PPARGC1B: variants seen among roughly 807,000 people sequenced by gnomAD.
The protein encoded by PPARGC1B is peroxisome proliferator-activated receptor gamma coactivator 1-beta.
Under a neutral mutation model 101.6 loss-of-function variants are expected in PPARGC1B, and 34 were observed. The ratio of observed to expected loss-of-function variants is 0.33; its 90% confidence interval spans 0.25 to 0.45. PPARGC1B has a LOEUF of 0.45. Ranked by LOEUF, PPARGC1B falls within the 20% of genes least tolerant of loss-of-function variation. PPARGC1B has a pLI of 1.00. For missense variants in PPARGC1B, 1,234 were observed against 1,317.6 expected, an observed-to-expected ratio of 0.94 and a Z score of 0.98; for synonymous variants, 548 against 539.3, an observed-to-expected ratio of 1.02 and a Z score of -0.22.
intron 9 of PPARGC1B, among the ~76,000 whole-genome samples, chr5:149,841,594 C>G (rs1276315925): frequency 6.6e-6 from 1 of 152,200 alleles, no homozygotes; most frequent in Non-Finnish European, 1.5e-5. Flanking sequence ...AAGCCTGCAG[C>G]TTCTCTCGCA....
intron 1 of PPARGC1B, among the ~76,000 whole-genome samples, chr5:149,774,569 C>T (rs1756281320): frequency 6.6e-6 from 1 of 151,888 alleles, no homozygotes; most frequent in Admixed American, 6.6e-5. Flanking sequence ...CTAGGACTCC[C>T]AGCTTTGACA....
chr5:149,757,704 G>A (rs1225655026), intron 1 of PPARGC1B, among the ~76,000 whole-genome samples: 2 of 152,234 alleles, frequency 1.3e-5, no homozygotes, highest in Non-Finnish European at 2.9e-5. Flanking sequence ...GAGAGTGGAG[G>A]TCAGTGGGGC....
intron 1 of PPARGC1B, among the ~76,000 whole-genome samples, chr5:149,743,398 G>T (rs1448316568): frequency 2.6e-5 from 4 of 151,986 alleles, no homozygotes; most frequent in African/African-American, 9.7e-5. Context: ...TCAGGTGATT[G>T]CCTGCTTTGG....
chr5:149,784,969 C>T (rs1031701714), intron 1 of PPARGC1B, among the ~76,000 whole-genome samples: 5 of 152,228 alleles, frequency 3.3e-5, no homozygotes, highest in African/African-American at 1.2e-4. Flanking sequence ...CTCTTTATCA[C>T]TGCTGTCTCT....
intron 1 of PPARGC1B, among the ~76,000 whole-genome samples, chr5:149,792,219 C>T (rs192103916): frequency 6.2e-4 from 94 of 152,228 alleles, no homozygotes; most frequent in African/African-American, 2.2e-3. Flanking sequence ...TGGGAATTGG[C>T]AAACAGAGCT....
rs1167295677 is a variant in PPARGC1B at position 149,850,271 on chromosome 5, T to G, written c.*2713T>G. The G allele has an allele frequency of 6.6e-6, 1 of 152,218 alleles. No homozygotes were observed. 9.4% of individuals were successfully genotyped at this position (152,218 alleles called of 1,614,324 possible). A position where few individuals can be genotyped will look rare whatever the true frequency, so the allele number is the denominator to read the frequency against. On this transcript the variant is annotated 3_prime_UTR_variant, in exon 12 of 12. Transcript: ENST00000309241. ...ACTTTAGAGTAAAGAAATGGAGAGT[T>G]TTAGCAAAGGACCAGTCTGTCCCTC...
intron 1 of PPARGC1B, among the ~76,000 whole-genome samples, chr5:149,755,890 C>T (rs1052116849): frequency 3.3e-5 from 5 of 152,050 alleles, no homozygotes; most frequent in African/African-American, 7.2e-5. Flanking sequence ...GTAATCCACC[C>T]GCCTTGGCCC....
chr5:149,773,435 G>A (rs575520031), intron 1 of PPARGC1B, among the ~76,000 whole-genome samples: 2 of 152,320 alleles, frequency 1.3e-5, no homozygotes, highest in East Asian at 1.9e-4. Flanking sequence ...AGACACCTGC[G>A]GCTCCTGCTC....
At chr5:149,781,864 A>C (rs1350748771) in intron 1 of PPARGC1B, among the ~76,000 whole-genome samples, 6 of 152,170 alleles carry the variant, frequency 3.9e-5, no homozygotes, top group African/African-American at 1.4e-4. Context: ...ACAGCTACTA[A>C]TAACCCTGAC....
rs1455974153 is a variant in PPARGC1B, at chr5:149,848,814, T to C, written c.*1256T>C. On this transcript the variant is annotated 3_prime_UTR_variant, in exon 12 of 12. Transcript: ENST00000309241. ...CAGGTAGTCCTTCGTCTTTACCTTG[T>C]CCTTGTCTGTAAAGTTGTTTTGGTG... The C allele has an allele frequency of 6.6e-6, 1 of 152,236 alleles. No individual in the cohort carries two copies. 9.4% of individuals were successfully genotyped at this position (152,236 alleles called of 1,614,324 possible).
At chr5:149,842,738 T>C (rs1408234128) in intron 10 of PPARGC1B, among the ~76,000 whole-genome samples, 1 of 152,234 alleles carries the variant, frequency 6.6e-6, no homozygotes, top group Admixed American at 6.5e-5. Flanking sequence ...GGAGCCCATG[T>C]GTCTGCTTCA....
At position 149,809,653 on chromosome 5, in the gene PPARGC1B, A is replaced by C. The variant is rs565834875; in HGVS notation, c.79-10780A>C. On this transcript the variant is annotated intron_variant, in intron 1 of 11. Coordinates refer to ENST00000309241, the MANE Select transcript of PPARGC1B (RefSeq NM_133263.4). ...CAATCAGCCATGATCATGTTACTGC[A>C]CTCCAGCTCGGGCGACAGAGTGAGA... Among the ~76,000 whole-genome samples the C allele has an allele frequency of 4.2e-5, 6 of 141,628 alleles. No homozygotes were observed. The East Asian group carries it at 1.2e-3, about 29-fold the overall frequency. The allele number at this position is 141,628 out of a possible 152,430, so 92.9% of individuals were successfully genotyped here. A position where few individuals can be genotyped will look rare whatever the true frequency, so the allele number is the denominator to read the frequency against.
At chr5:149,762,538 A>C (rs988191706) in intron 1 of PPARGC1B, among the ~76,000 whole-genome samples, 1 of 152,140 alleles carries the variant, frequency 6.6e-6, no homozygotes, top group Admixed American at 6.5e-5. Flanking sequence ...CTCTCAGTGA[A>C]TCTATCTTGT....
intron 1 of PPARGC1B, among the ~76,000 whole-genome samples, chr5:149,771,721 T>A (rs983055952): frequency 6.6e-6 from 1 of 152,208 alleles, no homozygotes; most frequent in East Asian, 1.9e-4. Flanking sequence ...TCCTTGTTCT[T>A]TCTGTTTGCC....
At chr5:149,798,325 C>G (rs962380085) in intron 1 of PPARGC1B, among the ~76,000 whole-genome samples, 1 of 152,236 alleles carries the variant, frequency 6.6e-6, no homozygotes, top group African/African-American at 2.4e-5. Context: ...TAGTCTCTAA[C>G]ACGCCCTTGT....
At chr5:149,744,137 C>G (rs771945184) in intron 1 of PPARGC1B, among the ~76,000 whole-genome samples, 5 of 152,162 alleles carry the variant, frequency 3.3e-5, no homozygotes, top group Non-Finnish European at 5.9e-5. Context: ...ACCACAGTGC[C>G]CAGCCCAAGA....
At chr5:149,844,672 G>T (rs1759485815) in intron 10 of PPARGC1B, among the ~76,000 whole-genome samples, 1 of 152,154 alleles carries the variant, frequency 6.6e-6, no homozygotes, top group African/African-American at 2.4e-5. Flanking sequence ...GAGGCAGAAG[G>T]GTTCAAACTT....
chr5:149,799,699 T>TTTTTTG (rs1757367734), intron 1 of PPARGC1B, among the ~76,000 whole-genome samples: 3 of 127,886 alleles, frequency 2.3e-5, no homozygotes, highest in African/African-American at 8.8e-5. Flanking sequence ...TGTTGTTTTT[T>TTTTTTG]TTTTTTTTTT....
intron 1 of PPARGC1B, among the ~76,000 whole-genome samples, chr5:149,783,090 A>AC (rs1261453245): frequency 9.7e-6 from 1 of 103,158 alleles, no homozygotes; most frequent in African/African-American, 4.8e-5. Context: ...AATGAGAGAT[A>AC]AAGAGAGAGA....
Sources: gnomAD v4.1 joint callset for allele counts (sites outside exome capture counted in the v4.1 genomes callset) on GRCh38, gnomAD v4.1.1 for gene constraint, MANE v1.5 for transcripts, NCBI Gene and HGNC (gene_info 2026-07-23, HGNC 2026-07-21) for gene names.